The following TBC1D5 variants were observed in gnomAD, a reference collection of about 807,000 sequenced individuals.
The protein encoded by TBC1D5 is TBC1 domain family, member 5.
TBC1D5 carries 75 observed loss-of-function variants against 100.3 expected under a neutral mutation model. The observed-to-expected ratio is 0.75, with a 90% CI of 0.62 to 0.91. The LOEUF (loss-of-function observed/expected upper bound fraction) is 0.91, where lower values mean the gene tolerates loss of function less well. Among genes scored for constraint, TBC1D5 ranks in the 40% least tolerant of loss-of-function variants. TBC1D5 has a pLI of 0.00. For synonymous variants in TBC1D5, 323 were observed against 325.6 expected, an observed-to-expected ratio of 0.99 and a Z score of 0.09; for missense variants, 910 against 942.4, an observed-to-expected ratio of 0.97 and a Z score of 0.45.
intron 1 of TBC1D5, among the ~76,000 whole-genome samples, chr3:17,673,745 A>C (rs897041527): frequency 6.6e-6 from 1 of 152,198 alleles, no homozygotes; most frequent in African/African-American, 2.4e-5. Context: ...TGGTTTGGCC[A>C]GTCTTCATAT....
At chr3:17,404,950 A>G in exon 6 of TBC1D5, 3 of 1,589,254 alleles carry the variant, frequency 1.9e-6, no homozygotes, top group Non-Finnish European at 2.6e-6. Context: ...GAGGAAGAAC[A>G]CAAAGAAATA....
At chr3:17,467,303 T>C (rs981658832) in intron 3 of TBC1D5, among the ~76,000 whole-genome samples, 2 of 138,076 alleles carry the variant, frequency 1.4e-5, no homozygotes, top group African/African-American at 5.2e-5. Context: ...TTTTTTTTTT[T>C]TGATCTTTTT....
intron 3 of TBC1D5, among the ~76,000 whole-genome samples, chr3:17,460,084 C>T (rs1307128461): frequency 6.6e-6 from 1 of 152,198 alleles, no homozygotes; most frequent in Non-Finnish European, 1.5e-5. Context: ...CACTGTTTCA[C>T]TGGAGTCAGG....
chr3:17,538,839 G>A (rs967286886), intron 2 of TBC1D5, among the ~76,000 whole-genome samples: 2 of 152,176 alleles, frequency 1.3e-5, no homozygotes, highest in Non-Finnish European at 2.9e-5. Context: ...AGGAGTTGAA[G>A]ATCAGCCTGG....
rs560462448 is a variant in TBC1D5, at chr3:17,343,328, T to C, written c.995+28747A>G. ...CCCAGGGATGAAGCCCACTTGATCA[T>C]GGTGGATAAGCTTTTTGATGTGCTG... On this transcript the variant is annotated intron_variant, in intron 13 of 21. Coordinates refer to ENST00000253692, the Ensembl canonical transcript of TBC1D5. Among the ~76,000 whole-genome samples the C allele has an allele frequency of 4.2e-3, 632 of 151,942 alleles. 11 individuals are homozygous for C. Among genetic ancestry groups the C allele is most frequent in the Non-Finnish European group, 2.4e-3 (161 of 67,834 alleles).
chr3:17,537,452 T>G (rs2096293452), intron 2 of TBC1D5, among the ~76,000 whole-genome samples: 1 of 152,212 alleles, frequency 6.6e-6, no homozygotes, highest in Admixed American at 6.5e-5. Context: ...ATTCAGTTCT[T>G]CTGGTTCCCC....
At chr3:17,218,998 C>T (rs1372175399) in intron 17 of TBC1D5, among the ~76,000 whole-genome samples, 5 of 150,970 alleles carry the variant, frequency 3.3e-5, no homozygotes, top group Admixed American at 3.3e-4. Flanking sequence ...TCCATCTGCC[C>T]CTCTCTTTTC....
chr3:17,214,000 A>AT (rs1319151018), intron 18 of TBC1D5, among the ~76,000 whole-genome samples: 263 of 24,178 alleles, frequency 0.011, no homozygotes, highest in African/African-American at 0.025. Flanking sequence ...AAATGATGCT[A>AT]CTTTTTTTTT....
chr3:17,439,545 C>A (rs944572978), intron 3 of TBC1D5, among the ~76,000 whole-genome samples: 1 of 151,916 alleles, frequency 6.6e-6, no homozygotes. Context: ...CTTCAAATAT[C>A]AATTTTTTTT....
intron 2 of TBC1D5, among the ~76,000 whole-genome samples, chr3:17,550,127 T>G (rs569363066): frequency 6.6e-6 from 1 of 152,230 alleles, no homozygotes; most frequent in East Asian, 1.9e-4. Flanking sequence ...GTATCAAAAT[T>G]GACTAATATT....
intron 13 of TBC1D5, among the ~76,000 whole-genome samples, chr3:17,328,752 T>C (rs899299813): frequency 1.3e-5 from 2 of 152,206 alleles, no homozygotes; most frequent in African/African-American, 2.4e-5. Flanking sequence ...AAACCCAAAA[T>C]ACTACATATA....
chr3:17,244,480 T>C (rs2076560264), intron 16 of TBC1D5, among the ~76,000 whole-genome samples: 1 of 150,270 alleles, frequency 6.7e-6, no homozygotes, highest in African/African-American at 2.4e-5. Context: ...TGCCCTTCCT[T>C]CCTCCTATCT....
intron 2 of TBC1D5, among the ~76,000 whole-genome samples, chr3:17,568,727 T>TATATA (rs754612205): frequency 8.2e-4 from 124 of 151,796 alleles, no homozygotes; most frequent in Non-Finnish European, 1.3e-3. Context: ...AAGGATAACA[T>TATATA]ATATAATATT....
intron 4 of TBC1D5, among the ~76,000 whole-genome samples, chr3:17,427,580 G>A (rs1222735615): frequency 1.3e-5 from 2 of 151,928 alleles, no homozygotes; most frequent in African/African-American, 4.8e-5. Flanking sequence ...CAAGTACACA[G>A]TGGTTCTTGC....
intron 2 of TBC1D5, among the ~76,000 whole-genome samples, chr3:17,575,681 T>C (rs2096653320): frequency 6.6e-6 from 1 of 152,138 alleles, no homozygotes; most frequent in Non-Finnish European, 1.5e-5. Flanking sequence ...CATGAGAACA[T>C]AAGAAAAGGA....
intron 1 of TBC1D5, among the ~76,000 whole-genome samples, chr3:17,709,002 A>C (rs59994592): frequency 6.6e-6 from 1 of 152,258 alleles, no homozygotes; most frequent in East Asian, 1.9e-4. Context: ...TACCTACATT[A>C]TATTTCCTTC....
chr3:17,643,722 A>T (rs1452266402), intron 1 of TBC1D5, among the ~76,000 whole-genome samples: 1 of 152,092 alleles, frequency 6.6e-6, no homozygotes, highest in Non-Finnish European at 1.5e-5. Context: ...CCTGAATCCG[A>T]TGTCTAGCAG....
At chr3:17,230,125 G>A (rs990495267) in intron 17 of TBC1D5, among the ~76,000 whole-genome samples, 4 of 152,094 alleles carry the variant, frequency 2.6e-5, no homozygotes, top group Admixed American at 6.6e-5. Flanking sequence ...TGCCATCTAT[G>A]AGGACCATTT....
intron 2 of TBC1D5, among the ~76,000 whole-genome samples, chr3:17,562,702 T>C (rs888405789): frequency 6.6e-6 from 1 of 152,252 alleles, no homozygotes; most frequent in Admixed American, 6.5e-5. Flanking sequence ...TATAAAAAAA[T>C]GTGTGACTTG....
Sources: allele counts gnomAD v4.1 joint callset (sites outside exome capture counted in the v4.1 genomes callset), GRCh38; gene constraint gnomAD v4.1.1; transcripts MANE v1.5; gene names NCBI Gene and HGNC (gene_info 2026-07-23, HGNC 2026-07-21).